HYCC2: variants seen among roughly 807,000 people sequenced by gnomAD.
HYCC2 encodes hyccin PI4KA lipid kinase complex subunit 2.
the HYCC2 span, among the ~76,000 whole-genome samples, chr2:201,001,832 C>T: frequency 3.3e-5 from 5 of 151,848 alleles, no homozygotes; most frequent in Admixed American, 1.3e-4. Flanking sequence ...CCACCACACC[C>T]GGCTAATTTT....
At chr2:200,990,327 T>C in the HYCC2 span, among the ~76,000 whole-genome samples, 2 of 152,212 alleles carry the variant, frequency 1.3e-5, no homozygotes, top group Non-Finnish European at 1.5e-5. Flanking sequence ...CTTCAGGGGA[T>C]AGTCAGAGTT....
At chr2:200,993,928 C>G in the HYCC2 span, among the ~76,000 whole-genome samples, 2 of 151,838 alleles carry the variant, frequency 1.3e-5, no homozygotes, top group Non-Finnish European at 2.9e-5. Context: ...CGAGATCACG[C>G]CACTTCACTC....
chr2:200,973,770 C>T, the HYCC2 span: 3 of 152,092 alleles, frequency 2.0e-5, no homozygotes, highest in Non-Finnish European at 2.9e-5. Flanking sequence ...AAAAAATTTA[C>T]ACTCTTAATG....
the HYCC2 span, among the ~76,000 whole-genome samples, chr2:201,027,689 C>T: frequency 6.6e-6 from 1 of 152,064 alleles, no homozygotes; most frequent in African/African-American, 2.4e-5. Context: ...TAACCCATCA[C>T]ATAAAGAGAA....
At chr2:200,981,886 C>T in the HYCC2 span, 2 of 1,580,510 alleles carry the variant, frequency 1.3e-6, no homozygotes, top group Non-Finnish European at 1.7e-6. The surrounding 1 kb of genome is among the most constrained non-coding windows in gnomAD (Gnocchi z 4.5). Context: ...GAAAACAAAT[C>T]AGACAGACTC....
chr2:201,011,475 A>G, the HYCC2 span: 2 of 1,521,886 alleles, frequency 1.3e-6, no homozygotes, highest in South Asian at 2.5e-5. Flanking sequence ...GCGATTTCCT[A>G]TAGTCAAAAA....
At chr2:200,981,507 G>C in the HYCC2 span, 3 of 1,614,176 alleles carry the variant, frequency 1.9e-6, no homozygotes, top group South Asian at 3.3e-5. The surrounding 1 kb of genome is among the most constrained non-coding windows in gnomAD (Gnocchi z 4.5). Context: ...ATTTACTTGA[G>C]GAAGCACTGG....
chr2:201,035,740 C>T, the HYCC2 span, among the ~76,000 whole-genome samples: 3 of 152,112 alleles, frequency 2.0e-5, no homozygotes, highest in Non-Finnish European at 2.9e-5. Flanking sequence ...GTTTTATCTA[C>T]CTTTGGTCTT....
chr2:201,034,513 A>G, the HYCC2 span, among the ~76,000 whole-genome samples: 1 of 152,004 alleles, frequency 6.6e-6, no homozygotes, highest in East Asian at 1.9e-4. Flanking sequence ...TGCACATGAG[A>G]TGGGTCTCCT....
chr2:201,042,570 C>T, the HYCC2 span, among the ~76,000 whole-genome samples: 2 of 151,424 alleles, frequency 1.3e-5, no homozygotes, highest in Non-Finnish European at 1.5e-5. Context: ...TGACCAGCCG[C>T]CCCGTCTGAG....
the HYCC2 span, chr2:200,993,028 G>A: frequency 4.3e-6 from 6 of 1,381,356 alleles, no homozygotes; most frequent in Non-Finnish European, 6.1e-6. Flanking sequence ...TATTTAACAT[G>A]TGATTTCCAG....
chr2:201,033,911 T>C, the HYCC2 span, among the ~76,000 whole-genome samples: 5 of 152,092 alleles, frequency 3.3e-5, no homozygotes, highest in Middle Eastern at 6.8e-3. Flanking sequence ...CCCTGTCTGA[T>C]ATAGGGTCCA....
the HYCC2 span, among the ~76,000 whole-genome samples, chr2:201,068,127 A>C: frequency 1.6e-3 from 249 of 152,208 alleles, 1 homozygote; most frequent in Middle Eastern, 3.4e-3. Flanking sequence ...TCTACTAAAA[A>C]AAATGCAAAA....
chr2:201,063,303 T>A, the HYCC2 span: 13 of 1,537,552 alleles, frequency 8.5e-6, no homozygotes, highest in Middle Eastern at 2.3e-4. Flanking sequence ...GAGGCAGCTA[T>A]GAATGCAAGG....
chr2:201,028,655 C>T, the HYCC2 span, among the ~76,000 whole-genome samples: 4 of 152,080 alleles, frequency 2.6e-5, no homozygotes, highest in African/African-American at 7.2e-5. Context: ...TCAGAAATAA[C>T]ACCACACATC....
chr2:201,030,367 TA>T, the HYCC2 span, among the ~76,000 whole-genome samples: 10 of 147,568 alleles, frequency 6.8e-5, no homozygotes, highest in African/African-American at 9.9e-5. Context: ...TAGATGCCCG[TA>T]AAAAAAAAAT....
the HYCC2 span, among the ~76,000 whole-genome samples, chr2:201,028,295 G>A: frequency 6.6e-6 from 1 of 152,050 alleles, no homozygotes; most frequent in South Asian, 2.1e-4. Context: ...ACAAACCACT[G>A]CTCAATGAAA....
the HYCC2 span, among the ~76,000 whole-genome samples, chr2:200,997,912 T>C: frequency 6.6e-6 from 1 of 152,162 alleles, no homozygotes; most frequent in Non-Finnish European, 1.5e-5. Context: ...GGCACATGCC[T>C]GTAGTCCCAG....
At chr2:200,997,834 G>A in the HYCC2 span, among the ~76,000 whole-genome samples, 1 of 152,130 alleles carries the variant, frequency 6.6e-6, no homozygotes, top group Non-Finnish European at 1.5e-5. Context: ...TCAGAAGATC[G>A]AGACCATCCT....
Sources: gnomAD v4.1 joint callset for allele counts (sites outside exome capture counted in the v4.1 genomes callset) on GRCh38, gnomAD v4.1.1 for gene constraint, Gnocchi (gnomAD v3.1) non-coding constraint, MANE v1.5 for transcripts, NCBI Gene and HGNC (gene_info 2026-07-23, HGNC 2026-07-21) for gene names.